Variants in PRKCQ observed in about 807,000 individuals in gnomAD.
The protein encoded by PRKCQ is protein kinase C theta, also known as protein kinase C theta type.
PRKCQ carries 41 observed loss-of-function variants against 91.2 expected under a neutral mutation model. The observed-to-expected ratio is 0.45, with a 90% CI of 0.35 to 0.58. The LOEUF is 0.58. PRKCQ is among the 20% of genes least tolerant of loss of function. PRKCQ has a pLI of 0.00. For synonymous variants in PRKCQ, 307 were observed against 316.9 expected (o/e 0.97, Z 0.33); for missense variants, 673 against 896.5 (o/e 0.75, Z 3.18).
chr10:6,395,326 AG>A, the PRKCQ span, among the ~76,000 whole-genome samples: 1 of 151,562 alleles, frequency 6.6e-6, no homozygotes, highest in Non-Finnish European at 1.5e-5. Context: ...GGTCTCCCAA[AG>A]GGCTGGGATT....
intron 1 of PRKCQ, among the ~76,000 whole-genome samples, chr10:6,540,465 C>T (rs538892214): frequency 1.4e-3 from 218 of 152,260 alleles, no homozygotes; most frequent in African/African-American, 5.0e-3. Flanking sequence ...CTAGGAACCT[C>T]GTATAAGTGG....
Position 6,428,089 on chromosome 10 carries a change from G to GTCT in PRKCQ, c.*115_*117dup. ...GTCACATGGGGGCGAACGGGTCTCA[G>GTCT]TCTTTATTGTTGAGTGTTTCTTTCT... On this transcript the variant is annotated 3_prime_UTR_variant, in exon 18 of 18. Coordinates refer to ENST00000263125, the MANE Select transcript of PRKCQ (RefSeq NM_006257.5). 7.5e-7 allele frequency: 1 copy of GTCT among 1,335,488 alleles called. No homozygotes were observed. The highest frequency in any genetic ancestry group is 1.3e-5 in the South Asian group (1 of 77,552). The allele number at this position is 1,335,488 out of a possible 1,614,324, so 82.7% of individuals were successfully genotyped here.
In PRKCQ at chr10:6,465,881, A is replaced by G. The variant is rs1835624719; in HGVS notation, c.1354-1477T>C. The stretch of plus-strand genomic sequence containing the variant: ...AAGCCCACCCTTTTCTCTTCTGGAC[A>G]GGCCCAAATTCTCAGCTGACATAAA... On this transcript the variant is annotated intron_variant, in intron 12 of 17. Transcript: ENST00000263125. This position sits in a 1 kb window ranked among gnomAD's most constrained non-coding sequence, Gnocchi z 4.4. Among the ~76,000 whole-genome samples the G allele has an allele frequency of 1.3e-5, 2 of 152,232 alleles. No individual in the cohort carries two copies. The highest frequency in any genetic ancestry group is 2.1e-4 in the South Asian group (1 of 4,830).
intron 1 of PRKCQ, chr10:6,515,611 G>T: frequency 2.7e-6 from 2 of 751,562 alleles, no homozygotes; most frequent in Non-Finnish European, 3.2e-6. Context: ...ATTTATGTGT[G>T]TAATGGGATT....
chr10:6,438,485 C>G (rs190061283), intron 16 of PRKCQ, among the ~76,000 whole-genome samples: 38 of 152,366 alleles, frequency 2.5e-4, no homozygotes, highest in Middle Eastern at 3.4e-3. Context: ...AATTATTTCT[C>G]TAAATGATGA....
the PRKCQ span, among the ~76,000 whole-genome samples, chr10:6,417,967 T>A: frequency 1.3e-5 from 2 of 152,194 alleles, no homozygotes; most frequent in Non-Finnish European, 2.9e-5. Context: ...CTCCCAGACA[T>A]GGGTCTCCTT....
At chr10:6,543,858 C>G (rs1230139204) in intron 1 of PRKCQ, among the ~76,000 whole-genome samples, 1 of 152,132 alleles carries the variant, frequency 6.6e-6, no homozygotes, top group Non-Finnish European at 1.5e-5. Flanking sequence ...GATGACAGGG[C>G]CTTGTTTGGC....
chr10:6,411,098 A>C, the PRKCQ span, among the ~76,000 whole-genome samples: 1 of 151,868 alleles, frequency 6.6e-6, no homozygotes, highest in Non-Finnish European at 1.5e-5. Flanking sequence ...AATTGTTCTT[A>C]GGTCATCGGT....
chr10:6,422,190 G>T (rs1282577086), downstream of PRKCQ, among the ~76,000 whole-genome samples: 1 of 152,114 alleles, frequency 6.6e-6, no homozygotes, highest in Non-Finnish European at 1.5e-5. Flanking sequence ...CTATGTTAGT[G>T]GGTACCTATT....
intron 1 of PRKCQ, among the ~76,000 whole-genome samples, chr10:6,569,571 C>T (rs1588434694): frequency 1.3e-5 from 2 of 152,198 alleles, no homozygotes; most frequent in East Asian, 1.9e-4. Context: ...ATGGTAACCA[C>T]GGCTAGGGAG....
chr10:6,419,837 T>G, the PRKCQ span, among the ~76,000 whole-genome samples: 1 of 151,476 alleles, frequency 6.6e-6, no homozygotes, highest in Non-Finnish European at 1.5e-5. Flanking sequence ...TACAGGTGCA[T>G]GCCACCATGC....
intron 8 of PRKCQ, among the ~76,000 whole-genome samples, chr10:6,490,405 T>C (rs116191277): frequency 0.01 from 1,553 of 151,774 alleles, 28 homozygotes; most frequent in African/African-American, 0.035. Flanking sequence ...TAAAGTGGCT[T>C]ATATATTTAA....
chr10:6,475,963 T>A (rs1232092270), intron 12 of PRKCQ, among the ~76,000 whole-genome samples: 1 of 152,194 alleles, frequency 6.6e-6, no homozygotes, highest in African/African-American at 2.4e-5. Flanking sequence ...GAAGTTTTTT[T>A]TTCTCTCCCA....
chr10:6,553,685 C>G (rs983727471), intron 1 of PRKCQ, among the ~76,000 whole-genome samples: 2 of 151,928 alleles, frequency 1.3e-5, no homozygotes, highest in Non-Finnish European at 2.9e-5. Flanking sequence ...TCCTTGGGAA[C>G]ATATTTGAGA....
chr10:6,456,947 C>T, intron 14 of PRKCQ, 135 bp from the exon 15 acceptor site: 1 of 834,212 alleles, frequency 1.2e-6, no homozygotes, highest in African/African-American at 1.7e-5. Flanking sequence ...TATCTATCCA[C>T]TTGCACACCA....
chr10:6,525,671 CACTCTT>C, intron 1 of PRKCQ, among the ~76,000 whole-genome samples: 1 of 152,322 alleles, frequency 6.6e-6, no homozygotes, highest in South Asian at 2.1e-4. Context: ...ATGTCCCAGA[CACTCTT>C]ACTCTAAGTC....
intron 4 of PRKCQ, among the ~76,000 whole-genome samples, chr10:6,505,728 C>G (rs1254654238): frequency 6.6e-6 from 1 of 151,922 alleles, no homozygotes; most frequent in East Asian, 1.9e-4. Context: ...TCACTGCAAC[C>G]TCAATAACCT....
the PRKCQ span, among the ~76,000 whole-genome samples, chr10:6,417,447 C>A: frequency 6.6e-6 from 1 of 152,022 alleles, no homozygotes; most frequent in Non-Finnish European, 1.5e-5. Flanking sequence ...AAATTCTTTT[C>A]TTCTCTAGAT....
intron 1 of PRKCQ, among the ~76,000 whole-genome samples, chr10:6,540,486 T>C (rs1302706263): frequency 6.6e-6 from 1 of 152,190 alleles, no homozygotes; most frequent in Admixed American, 6.5e-5. Context: ...AGTCTTAGCG[T>C]ATTTGTCCTT....
Sources: gnomAD v4.1 joint callset for allele counts (sites outside exome capture counted in the v4.1 genomes callset) on GRCh38, gnomAD v4.1.1 for gene constraint, Gnocchi (gnomAD v3.1) non-coding constraint, MANE v1.5 for transcripts, NCBI Gene and HGNC (gene_info 2026-07-23, HGNC 2026-07-21) for gene names.